The following ST6GALNAC3 variants were observed in gnomAD, a reference collection of about 807,000 sequenced individuals.
The protein encoded by ST6GALNAC3 is alpha-N-acetylgalactosaminide alpha-2,6-sialyltransferase 3.
A neutral mutation model predicts 32.7 loss-of-function variants in ST6GALNAC3; 25 were observed. The ratio of observed to expected loss-of-function variants is 0.76; its 90% CI spans 0.56 to 1.07. The LOEUF is 1.07. Among genes scored for constraint, ST6GALNAC3 ranks in the 50% least tolerant of loss-of-function variants. The pLI is 0.00. For missense variants in ST6GALNAC3, 355 were observed against 382.4 expected (o/e 0.93, Z 0.60); for synonymous variants, 129 against 133.1 (o/e 0.97, Z 0.21).
intron 2 of ST6GALNAC3, among the ~76,000 whole-genome samples, chr1:76,330,949 A>G (rs988237323): frequency 3.3e-5 from 5 of 152,180 alleles, no homozygotes; most frequent in Admixed American, 3.3e-4. Context: ...TGCCTGTGGT[A>G]TCCAAGACCA....
chr1:76,114,624 G>A (rs1648329212), intron 1 of ST6GALNAC3, among the ~76,000 whole-genome samples: 1 of 152,186 alleles, frequency 6.6e-6, no homozygotes, highest in Non-Finnish European at 1.5e-5. Flanking sequence ...GAATGGAAAG[G>A]AACAGGTTGA....
intron 1 of ST6GALNAC3, among the ~76,000 whole-genome samples, chr1:76,146,168 C>G (rs146038590): frequency 6.6e-6 from 1 of 152,212 alleles, no homozygotes; most frequent in Non-Finnish European, 1.5e-5. Context: ...CGTTCCCAGA[C>G]TGATTAAACA....
At chr1:76,290,178 C>G (rs925175502) in intron 1 of ST6GALNAC3, among the ~76,000 whole-genome samples, 2 of 152,254 alleles carry the variant, frequency 1.3e-5, no homozygotes, top group African/African-American at 4.8e-5. Flanking sequence ...TCCCTGCTCC[C>G]TCCACAGGAT....
chr1:76,211,272 A>G (rs188818983), intron 1 of ST6GALNAC3, among the ~76,000 whole-genome samples: 2,059 of 152,342 alleles, frequency 0.014, 31 homozygotes, highest in African/African-American at 0.047. Flanking sequence ...CAATCATTAA[A>G]AAGTCAGGAA....
chr1:76,543,870 T>A (rs977266616), intron 3 of ST6GALNAC3, among the ~76,000 whole-genome samples: 4 of 152,078 alleles, frequency 2.6e-5, no homozygotes, highest in African/African-American at 9.7e-5. Flanking sequence ...TCCTACAGAG[T>A]GGTCAACTTC....
At chr1:76,585,120 C>A (rs1646941823) in intron 3 of ST6GALNAC3, among the ~76,000 whole-genome samples, 1 of 152,164 alleles carries the variant, frequency 6.6e-6, no homozygotes, top group Non-Finnish European at 1.5e-5. Flanking sequence ...CGCAGTGGCT[C>A]ACGCCTGTAT....
At chr1:76,147,913 G>A (rs1001661121) in intron 1 of ST6GALNAC3, among the ~76,000 whole-genome samples, 3 of 152,114 alleles carry the variant, frequency 2.0e-5, no homozygotes, top group African/African-American at 7.2e-5. Context: ...GGAGCCTTCT[G>A]TATTCGTGAC....
At chr1:76,341,605 TTTTCTTTC>T (rs61587390) in intron 2 of ST6GALNAC3, among the ~76,000 whole-genome samples, 4,646 of 91,224 alleles carry the variant, frequency 0.051, 149 homozygotes, top group East Asian at 0.076. Flanking sequence ...TCCAAACTGC[TTTTCTTTC>T]TTTCTTTCTT....
intron 2 of ST6GALNAC3, among the ~76,000 whole-genome samples, chr1:76,394,603 T>C (rs955634214): frequency 1.3e-5 from 2 of 152,202 alleles, no homozygotes; most frequent in Non-Finnish European, 2.9e-5. Flanking sequence ...TCTATACTTT[T>C]TCAAGCCTAA....
At chr1:76,115,375 T>C (rs556496189) in intron 1 of ST6GALNAC3, among the ~76,000 whole-genome samples, 6 of 152,338 alleles carry the variant, frequency 3.9e-5, no homozygotes, top group Admixed American at 3.9e-4. Flanking sequence ...ATTTTTCTAA[T>C]GTCAGTTAGA....
At chr1:76,278,693 A>G (rs553272113) in intron 1 of ST6GALNAC3, among the ~76,000 whole-genome samples, 5 of 152,244 alleles carry the variant, frequency 3.3e-5, no homozygotes, top group African/African-American at 9.6e-5. Context: ...TAATTTTAGT[A>G]AATTTGCCTG....
In ST6GALNAC3 at chr1:76,165,214, G is replaced by A. The variant is rs1449893231; in HGVS notation, c.18+90330G>A. The stretch of plus-strand genomic sequence containing the variant: ...GCCCCAGTGTATGTTGTTCCCTTCT[G>A]TGTGTCTGTGTGTTCTCATCATTTA... On this transcript the variant is annotated intron_variant, in intron 1 of 4. Coordinates refer to ENST00000328299, the MANE Select transcript of ST6GALNAC3 (RefSeq NM_152996.4). Among the ~76,000 whole-genome samples, 3 of 151,872 alleles carry A rather than the reference G, an allele frequency of 2.0e-5. No individual in the cohort carries two copies. The East Asian group carries it at 5.8e-4, about 29-fold the overall frequency.
At chr1:76,307,825 C>A (rs1244561069) in intron 1 of ST6GALNAC3, 2 of 477,104 alleles carry the variant, frequency 4.2e-6, no homozygotes, top group South Asian at 1.5e-5. Context: ...TTTGCTAGGT[C>A]CGGATCTTTG....
intron 3 of ST6GALNAC3, among the ~76,000 whole-genome samples, chr1:76,620,252 A>T (rs1648552173): frequency 6.6e-6 from 1 of 152,060 alleles, no homozygotes; most frequent in Non-Finnish European, 1.5e-5. Context: ...ACACAGAAGT[A>T]AGGAGTAAGA....
At chr1:76,311,485 G>A (rs185687441) in intron 1 of ST6GALNAC3, among the ~76,000 whole-genome samples, 7 of 152,166 alleles carry the variant, frequency 4.6e-5, no homozygotes, top group Non-Finnish European at 7.4e-5. Context: ...CTGTGTCCAT[G>A]TGTTCTCATT....
At chr1:76,376,928 T>C (rs139020760) in intron 2 of ST6GALNAC3, among the ~76,000 whole-genome samples, 3 of 152,316 alleles carry the variant, frequency 2.0e-5, no homozygotes, top group African/African-American at 7.2e-5. Context: ...GTGGTTACTC[T>C]AGGTATTATA....
At chr1:76,585,636 G>T (rs2100562332) in intron 3 of ST6GALNAC3, among the ~76,000 whole-genome samples, 1 of 152,030 alleles carries the variant, frequency 6.6e-6, no homozygotes, top group South Asian at 2.1e-4. Flanking sequence ...TAATATGAAA[G>T]AAAACAGTAT....
chr1:76,274,904 A>C (rs559905118), intron 1 of ST6GALNAC3, among the ~76,000 whole-genome samples: 78 of 152,310 alleles, frequency 5.1e-4, no homozygotes, highest in African/African-American at 1.8e-3. Context: ...CAGACCTGGC[A>C]GAAGACCATT....
rs533882830 is a variant in ST6GALNAC3 at position 76,427,382 on chromosome 1, CT to C, written c.623+14966del. On this transcript the variant is annotated intron_variant, in intron 3 of 4. Transcript: ENST00000328299. ...GAGGGTTCTGCTAGAAACATAGCCT[CT>C]CAGCCCTGTGGATTCAGAACCTCTG... 4.4e-3 allele frequency among the ~76,000 whole-genome samples: 669 copies of C among 152,162 alleles called. 3 individuals are homozygous for C. The highest frequency in any genetic ancestry group is 6.7e-3 in the Non-Finnish European group (457 of 67,962).
Sources: allele counts gnomAD v4.1 joint callset (sites outside exome capture counted in the v4.1 genomes callset), GRCh38; gene constraint gnomAD v4.1.1; transcripts MANE v1.5; gene names NCBI Gene and HGNC (gene_info 2026-07-23, HGNC 2026-07-21).